DLGAP1: variants seen among roughly 807,000 people sequenced by gnomAD.
DLGAP1 encodes the protein disks large-associated protein 1.
Under a neutral mutation model 90.8 loss-of-function variants are expected in DLGAP1, and 11 were observed. The observed-to-expected ratio is 0.12, with a 90% CI of 0.08 to 0.20. DLGAP1 has a LOEUF of 0.20. DLGAP1 is among the 10% of genes least tolerant of loss of function. The pLI, the probability that DLGAP1 is intolerant of heterozygous loss-of-function variation, is 1.00. For synonymous variants in DLGAP1, 558 were observed against 540.7 expected (o/e 1.03, Z -0.44); for missense variants, 1,050 against 1,333.8 (o/e 0.79, Z 3.31).
At chr18:4,090,758 A>T (rs1033015868) in intron 2 of DLGAP1, among the ~76,000 whole-genome samples, 7 of 152,218 alleles carry the variant, frequency 4.6e-5, no homozygotes, top group African/African-American at 1.7e-4. Flanking sequence ...ACCCAAAGGA[A>T]TATGAATCAT....
chr18:3,619,800 GT>G (rs11404761), intron 7 of DLGAP1, among the ~76,000 whole-genome samples: 7 of 135,874 alleles, frequency 5.2e-5, no homozygotes, highest in African/African-American at 1.1e-4. Context: ...GCCGGAGTTG[GT>G]TTTTTTTTGT....
intron 1 of DLGAP1, among the ~76,000 whole-genome samples, chr18:4,236,424 G>A (rs1372553624): frequency 6.6e-6 from 1 of 152,126 alleles, no homozygotes; most frequent in African/African-American, 2.4e-5. Context: ...CTGAAGCACG[G>A]TGTGGTAGAA....
rs975073759 is a variant in DLGAP1 at position 4,383,209 on chromosome 18, T to C, written c.-267+71797A>G. Among the ~76,000 whole-genome samples, 5 of 152,126 alleles carry C rather than the reference T, an allele frequency of 3.3e-5. No homozygotes were observed. Among genetic ancestry groups the C allele is most frequent in the African/African-American group, 1.2e-4 (5 of 41,442 alleles). ...AAAGCACAAACAAAACATTAAAACATTACCTGGGGAATAATGTTCTAATAT... is the reference window on the plus strand; with the variant it reads ...AAAGCACAAACAAAACATTAAAACACTACCTGGGGAATAATGTTCTAATAT... On this transcript the variant is annotated intron_variant, in intron 1 of 12. Transcript: ENST00000315677. The surrounding 1 kb of genome is among the most constrained non-coding windows in gnomAD (Gnocchi z 4.0).
Position 3,630,484 on chromosome 18 carries a change from A to G in DLGAP1, c.1592-48236T>C, listed in dbSNP as rs139434730. On this transcript the variant is annotated intron_variant, in intron 7 of 12. Coordinates refer to ENST00000315677, the MANE Select transcript of DLGAP1 (RefSeq NM_004746.4). ...TCGGCCTCTATAACTGTGTGCCCCA[A>G]TTCCCTATAATAAATCTTTGTCTTT... Among the ~76,000 whole-genome samples, 646 of 152,152 alleles carry G rather than the reference A, an allele frequency of 4.2e-3. 5 individuals carry two copies. Among genetic ancestry groups the G allele is most frequent in the African/African-American group, 0.015 (626 of 41,522 alleles).
intron 2 of DLGAP1, among the ~76,000 whole-genome samples, chr18:4,087,099 ATGTGC>A (rs758899875): frequency 3.7e-5 from 3 of 81,256 alleles, no homozygotes; most frequent in African/African-American, 1.5e-4. Context: ...ATATGTATAT[ATGTGC>A]TATATATATA....
intron 7 of DLGAP1, among the ~76,000 whole-genome samples, chr18:3,605,147 C>T (rs1488599796): frequency 6.6e-6 from 1 of 152,182 alleles, no homozygotes; most frequent in African/African-American, 2.4e-5. Flanking sequence ...CAGAATTCTG[C>T]CTCCTCCTGA....
At chr18:4,202,454 A>C (rs1029769374) in intron 1 of DLGAP1, among the ~76,000 whole-genome samples, 1 of 152,164 alleles carries the variant, frequency 6.6e-6, no homozygotes, top group Non-Finnish European at 1.5e-5. Context: ...CATTCAAGTA[A>C]CCCAAAACCC....
chr18:4,163,977 T>C (rs2076890941), intron 1 of DLGAP1, among the ~76,000 whole-genome samples: 1 of 152,138 alleles, frequency 6.6e-6, no homozygotes, highest in South Asian at 2.1e-4. Context: ...ATCCAGGGGC[T>C]TGGCCAGTGA....
chr18:4,432,662 C>T (rs1567918355), intron 1 of DLGAP1, among the ~76,000 whole-genome samples: 1 of 149,490 alleles, frequency 6.7e-6, no homozygotes, highest in Non-Finnish European at 1.5e-5. Flanking sequence ...TTAAAGTATA[C>T]ATTATTATTA....
chr18:3,746,739 T>C, intron 5 of DLGAP1, among the ~76,000 whole-genome samples: 1 of 152,198 alleles, frequency 6.6e-6, no homozygotes, highest in East Asian at 1.9e-4. Flanking sequence ...TCGATCTCAC[T>C]AGTAATTAGA....
intron 1 of DLGAP1, among the ~76,000 whole-genome samples, chr18:4,377,020 T>C (rs1283005180): frequency 1.3e-5 from 2 of 152,172 alleles, no homozygotes; most frequent in African/African-American, 4.8e-5. Context: ...AGTGATTGAA[T>C]AGAAAGAATT....
chr18:3,897,377 C>T (rs1321152076), intron 3 of DLGAP1, among the ~76,000 whole-genome samples: 1 of 152,178 alleles, frequency 6.6e-6, no homozygotes, highest in Admixed American at 6.5e-5. Flanking sequence ...TCCACAAAAG[C>T]TAGTAAAAGA....
At chr18:4,356,135 G>C (rs1415827970) in intron 1 of DLGAP1, among the ~76,000 whole-genome samples, 1 of 151,880 alleles carries the variant, frequency 6.6e-6, no homozygotes, top group Non-Finnish European at 1.5e-5. Context: ...GTCTTCAGGA[G>C]GACTTTGTCT....
intron 2 of DLGAP1, among the ~76,000 whole-genome samples, chr18:4,014,316 C>T (rs1236919012): frequency 6.6e-6 from 1 of 152,082 alleles, no homozygotes; most frequent in African/African-American, 2.4e-5. Context: ...ATCTCTTGAC[C>T]TTGTGATCTG....
intron 1 of DLGAP1, among the ~76,000 whole-genome samples, chr18:4,416,194 T>G: frequency 6.6e-6 from 1 of 152,184 alleles, no homozygotes; most frequent in African/African-American, 2.4e-5. Context: ...AAAGAATATG[T>G]TCACACTTCA....
At chr18:3,759,943 G>A (rs1016565663) in intron 5 of DLGAP1, among the ~76,000 whole-genome samples, 2 of 152,188 alleles carry the variant, frequency 1.3e-5, no homozygotes, top group African/African-American at 4.8e-5. Flanking sequence ...GGCAGCGGCC[G>A]GGGTGCCAGA....
At chr18:4,331,845 G>A (rs689409) in intron 1 of DLGAP1, among the ~76,000 whole-genome samples, 151,995 of 152,012 alleles carry the variant, frequency 1, 75,990 homozygotes, top group Non-Finnish European at 1. Context: ...GCAAGCATGC[G>A]AAAGTGTTAT....
At chr18:4,161,572 T>A (rs2139870) in intron 1 of DLGAP1, among the ~76,000 whole-genome samples, 11,362 of 152,146 alleles carry the variant, frequency 0.075, 1,387 homozygotes, top group African/African-American at 0.25. Flanking sequence ...CCTGTTCTTA[T>A]AAATAAATTT....
chr18:4,275,106 C>T (rs1013662760), intron 1 of DLGAP1, among the ~76,000 whole-genome samples: 1 of 152,176 alleles, frequency 6.6e-6, no homozygotes, highest in South Asian at 2.1e-4. Flanking sequence ...ACTGTACTTA[C>T]TAGTAATGAG....
Sources: gnomAD v4.1 joint callset for allele counts (sites outside exome capture counted in the v4.1 genomes callset) on GRCh38, gnomAD v4.1.1 for gene constraint, Gnocchi (gnomAD v3.1) non-coding constraint, MANE v1.5 for transcripts, NCBI Gene and HGNC (gene_info 2026-07-23, HGNC 2026-07-21) for gene names.